C12orf76: variants seen among roughly 807,000 people sequenced by gnomAD.
The protein encoded by C12orf76 is uncharacterized protein C12orf76.
Under a neutral mutation model 6.8 loss-of-function variants are expected in C12orf76, and 6 were observed. The ratio of observed to expected loss-of-function variants is 0.88; its 90% confidence interval spans 0.48 to 1.73. C12orf76 has a LOEUF of 1.73. Among genes scored for constraint, C12orf76 ranks in the 40% most tolerant of loss-of-function variants. The pLI, the probability that C12orf76 is intolerant of heterozygous loss-of-function variation, is 0.01. For synonymous variants in C12orf76, 56 were observed against 43.7 expected, an observed-to-expected ratio of 1.28 and a Z score of -1.11; for missense variants, 99 against 98.2, an observed-to-expected ratio of 1.01 and a Z score of -0.03.
upstream of C12orf76, chr12:110,049,832 CATT>C (rs1356171050): frequency 1.3e-5 from 2 of 152,208 alleles, no homozygotes; most frequent in Admixed American, 1.3e-4. Flanking sequence ...AGATTCCAGA[CATT>C]GTATAGAAGA....
At chr12:110,058,935 C>A (rs537579741) in intron 3 of C12orf76, 8 of 1,475,134 alleles carry the variant, frequency 5.4e-6, no homozygotes, top group South Asian at 1.4e-5. Context: ...TACTCCCCCC[C>A]ACCAAAAAAA....
intron 2 of C12orf76, chr12:110,059,207 T>G (rs1181819028): frequency 1.0e-5 from 16 of 1,526,668 alleles, no homozygotes; most frequent in Non-Finnish European, 1.4e-5. Flanking sequence ...TTTTTGTGTG[T>G]TGATCTTGTT....
At chr12:110,047,143 G>A (rs1593243826) in intron 1 of C12orf76, among the ~76,000 whole-genome samples, 1 of 152,132 alleles carries the variant, frequency 6.6e-6, no homozygotes, top group East Asian at 1.9e-4. Context: ...AGATACAGTG[G>A]GAAGGGAAGA....
upstream of C12orf76, among the ~76,000 whole-genome samples, chr12:110,068,247 A>AAAGAAGAAGAAG (rs4042063): frequency 5.3e-3 from 335 of 63,790 alleles, 20 homozygotes; most frequent in East Asian, 0.019. Flanking sequence ...GAAGAAGAAG[A>AAAGAAGAAGAAG]AAGAAGAAGA....
intron 4 of C12orf76, among the ~76,000 whole-genome samples, chr12:110,056,107 AG>A (rs1193948126): frequency 3.3e-5 from 5 of 152,034 alleles, no homozygotes; most frequent in African/African-American, 1.2e-4. Context: ...GCTGTGTCAA[AG>A]AAAAAAAAGA....
chr12:110,072,009 A>G (rs1477102318), upstream of C12orf76, among the ~76,000 whole-genome samples: 1 of 152,202 alleles, frequency 6.6e-6, no homozygotes, highest in Non-Finnish European at 1.5e-5. Context: ...CTTGTTCGCA[A>G]TGTTTATGGA....
At chr12:110,057,233 T>A in exon 4 of C12orf76, 1 of 1,614,152 alleles carries the variant, frequency 6.2e-7, no homozygotes, top group Non-Finnish European at 8.5e-7. Flanking sequence ...CATGGTTAGA[T>A]TGTTCTTCAA....
intron 1 of C12orf76, among the ~76,000 whole-genome samples, chr12:110,047,975 C>T (rs527565589): frequency 3.1e-4 from 47 of 152,212 alleles, no homozygotes; most frequent in Non-Finnish European, 5.7e-4. Flanking sequence ...ATATTGAGAG[C>T]TTACTGGACA....
intron 3 of C12orf76, among the ~76,000 whole-genome samples, chr12:110,058,059 C>A (rs1318116821): frequency 8.8e-5 from 9 of 102,436 alleles, no homozygotes; most frequent in South Asian, 3.2e-4. Context: ...GAGAGAGACT[C>A]GGTCTCAAAA....
upstream of C12orf76, chr12:110,051,426 C>T: frequency 1.7e-6 from 1 of 605,040 alleles, no homozygotes; most frequent in Non-Finnish European, 2.9e-6. Flanking sequence ...CTGCTGCCCC[C>T]AATCTCATTT....
intron 1 of C12orf76, among the ~76,000 whole-genome samples, chr12:110,046,351 A>G (rs1892448503): frequency 6.6e-6 from 1 of 152,320 alleles, no homozygotes; most frequent in Admixed American, 6.5e-5. Context: ...GCTCGAACCC[A>G]GGAGGCGGAG....
upstream of C12orf76, among the ~76,000 whole-genome samples, chr12:110,068,330 A>T (rs940267478): frequency 8.6e-6 from 1 of 116,662 alleles, no homozygotes; most frequent in African/African-American, 3.2e-5. Context: ...AAGAAGAAGA[A>T]GGCGGCCAAA....
At chr12:110,048,534 C>A, upstream of C12orf76, 1 of 1,376,946 alleles carries the variant, frequency 7.3e-7, no homozygotes, top group South Asian at 1.6e-5. Context: ...CCACTTCCGT[C>A]GCAAGCCCTG....
chr12:110,067,496 C>G (rs1484547366), exon 1 of C12orf76: 1 of 985,332 alleles, frequency 1.0e-6, no homozygotes, highest in Non-Finnish European at 1.2e-6. Flanking sequence ...CTACCCTCCT[C>G]ACTTCCTTTT....
chr12:110,062,802 T>A (rs1024381359), intron 2 of C12orf76, among the ~76,000 whole-genome samples: 2 of 145,126 alleles, frequency 1.4e-5, no homozygotes, highest in Admixed American at 6.9e-5. Context: ...TTTTTTTTTT[T>A]TTTTTTTTTT....
chr12:110,051,194 T>C, upstream of C12orf76: 1 of 777,128 alleles, frequency 1.3e-6, no homozygotes, highest in Non-Finnish European at 2.4e-6. Flanking sequence ...AAAGCATCAA[T>C]GGGAGGCATA....
chr12:110,066,259 C>T (rs11064900), intron 1 of C12orf76, among the ~76,000 whole-genome samples: 2 of 150,988 alleles, frequency 1.3e-5, no homozygotes, highest in Admixed American at 6.6e-5. Context: ...GTAGTCCCAT[C>T]TACTCGGGAG....
upstream of C12orf76, among the ~76,000 whole-genome samples, chr12:110,071,019 C>T (rs1892955281): frequency 6.6e-6 from 1 of 152,242 alleles, no homozygotes; most frequent in Admixed American, 6.5e-5. Context: ...AGGTGATTTG[C>T]CTGCCTTGGC....
intron 2 of C12orf76, among the ~76,000 whole-genome samples, chr12:110,064,873 T>C (rs1451413849): frequency 2.6e-5 from 4 of 152,156 alleles, no homozygotes; most frequent in Non-Finnish European, 5.9e-5. Context: ...GTATCCCCAG[T>C]GGCCTGTGGG....
Sources: gnomAD v4.1 joint callset for allele counts (sites outside exome capture counted in the v4.1 genomes callset) on GRCh38, gnomAD v4.1.1 for gene constraint, MANE v1.5 for transcripts, NCBI Gene and HGNC (gene_info 2026-07-23, HGNC 2026-07-21) for gene names.